Variants in ODAD2 observed in about 807,000 individuals in gnomAD.
The protein encoded by ODAD2 is outer dynein arm docking complex subunit 2.
In ODAD2, 89 loss-of-function variants were observed where a neutral mutation model predicts 106.8. That is an observed-to-expected ratio of 0.83 (90% CI 0.70 to 0.99). The LOEUF (loss-of-function observed/expected upper bound fraction) is 0.99, where lower values mean the gene tolerates loss of function less well. ODAD2 is among the 50% of genes least tolerant of loss of function. ODAD2 has a pLI of 0.00. For missense variants in ODAD2, 1,168 were observed against 1,238.5 expected (o/e 0.94, Z 0.85); for synonymous variants, 404 against 436.2 (o/e 0.93, Z 0.92).
intron 19 of ODAD2, among the ~76,000 whole-genome samples, chr10:27,827,843 G>A (rs1837191231): frequency 6.6e-6 from 1 of 152,162 alleles, no homozygotes; most frequent in Admixed American, 6.5e-5. Context: ...GGTTCACAGG[G>A]TCTTCGGCAG....
intron 2 of ODAD2, 113 bp downstream of exon 2, chr10:27,994,806 A>G (rs1202098430): frequency 2.6e-6 from 3 of 1,144,360 alleles, no homozygotes; most frequent in Non-Finnish European, 3.7e-6. Context: ...TCCCTGGTTT[A>G]GAGGGCTTCT....
At chr10:27,835,967 T>C (rs1438522131) in intron 19 of ODAD2, 2 of 149,396 alleles carry the variant, frequency 1.3e-5, no homozygotes, top group South Asian at 4.1e-4. Context: ...GAAGAGAAAA[T>C]ACATTTACTA....
At chr10:27,976,570 C>T (rs1849201964) in intron 7 of ODAD2, among the ~76,000 whole-genome samples, 1 of 152,068 alleles carries the variant, frequency 6.6e-6, no homozygotes, top group African/African-American at 2.4e-5. Flanking sequence ...TTGAAAGCTA[C>T]AAAACATTGG....
At chr10:27,929,710 C>T (rs926828171) in intron 16 of ODAD2, among the ~76,000 whole-genome samples, 3 of 152,264 alleles carry the variant, frequency 2.0e-5, no homozygotes, top group African/African-American at 7.2e-5. Flanking sequence ...GTGAAATTCT[C>T]AGGCAATATT....
At chr10:27,906,465 G>A (rs1400006225) in intron 17 of ODAD2, among the ~76,000 whole-genome samples, 1 of 152,154 alleles carries the variant, frequency 6.6e-6, no homozygotes, top group Non-Finnish European at 1.5e-5. Flanking sequence ...GTTCCTCAAG[G>A]ATCTAGAACC....
intron 17 of ODAD2, among the ~76,000 whole-genome samples, chr10:27,897,983 T>A (rs926680174): frequency 1.3e-5 from 2 of 152,036 alleles, no homozygotes; most frequent in African/African-American, 4.8e-5. Flanking sequence ...CATGTGAGAA[T>A]AATGAATATG....
intron 7 of ODAD2, among the ~76,000 whole-genome samples, chr10:27,973,212 AATACATACATACATAC>A (rs56390356): frequency 1.1e-4 from 17 of 148,350 alleles, no homozygotes; most frequent in Admixed American, 8.8e-4. Context: ...TGGTCAAAAT[AATACATACATACATAC>A]ATACATACAT....
intron 17 of ODAD2, among the ~76,000 whole-genome samples, chr10:27,885,998 A>G (rs1405230521): frequency 6.8e-6 from 1 of 146,052 alleles, no homozygotes; most frequent in African/African-American, 2.5e-5. Flanking sequence ...ATATAACAGC[A>G]GAAGAAGAAG....
At chr10:27,914,423 T>C (rs1482504605) in intron 16 of ODAD2, among the ~76,000 whole-genome samples, 1 of 152,172 alleles carries the variant, frequency 6.6e-6, no homozygotes, top group Admixed American at 6.6e-5. Context: ...CATTCATTAA[T>C]TATCCTTGCC....
chr10:27,923,986 GAA>G (rs1844992284), intron 16 of ODAD2, among the ~76,000 whole-genome samples: 10 of 129,714 alleles, frequency 7.7e-5, no homozygotes, highest in Non-Finnish European at 1.3e-4. Flanking sequence ...AAGAAAGAAA[GAA>G]AGAAAGAAAG....
chr10:27,829,193 T>C (rs1837290939), intron 19 of ODAD2, among the ~76,000 whole-genome samples: 1 of 152,194 alleles, frequency 6.6e-6, no homozygotes, highest in Non-Finnish European at 1.5e-5. Flanking sequence ...AGCAGATTAA[T>C]ATAGAAAAAA....
At chr10:27,977,562 C>A (rs568884678) in intron 7 of ODAD2, among the ~76,000 whole-genome samples, 1 of 152,026 alleles carries the variant, frequency 6.6e-6, no homozygotes, top group East Asian at 1.9e-4. Flanking sequence ...CAGAGGGAGA[C>A]TCTGTCTCAA....
At chr10:27,883,132 G>A (rs962604673) in intron 17 of ODAD2, among the ~76,000 whole-genome samples, 6 of 151,904 alleles carry the variant, frequency 3.9e-5, no homozygotes, top group South Asian at 4.2e-4. Context: ...GTTTCTCACC[G>A]CTGGCTGACC....
At chr10:27,929,012 A>C (rs1237719305) in intron 16 of ODAD2, among the ~76,000 whole-genome samples, 1 of 152,184 alleles carries the variant, frequency 6.6e-6, no homozygotes, top group African/African-American at 2.4e-5. Flanking sequence ...TCCAGAATCC[A>C]TATGTTTAGC....
At chr10:27,864,509 G>A (rs1840289185) in intron 17 of ODAD2, among the ~76,000 whole-genome samples, 1 of 148,900 alleles carries the variant, frequency 6.7e-6, no homozygotes, top group Non-Finnish European at 1.5e-5. Context: ...AGTGAGAGTG[G>A]AGAGTGAGGT....
chr10:27,896,667 T>C (rs4749276), intron 17 of ODAD2, among the ~76,000 whole-genome samples: 100,288 of 151,442 alleles, frequency 0.66, 33,500 homozygotes, highest in Middle Eastern at 0.74. Flanking sequence ...GAGCAATGTG[T>C]TTATAGGATT....
Position 27,994,966 on chromosome 10 carries a change from C to A in ODAD2, c.177G>T (p.Trp59Cys). ...ATGCTGAGGGCGCCAAACTTGTGTT[C>A]CATTCAAGTGGTTCCACAAAAACAA... The part of the protein sequence containing the change: ...AKFVFVEPLE[W>C]NTSLAPSAFE... Residue 59 changes from tryptophan to cysteine, a missense_variant, in exon 2 of 20, where the codon TGG becomes TGT. By Grantham distance (215) the Trp-to-Cys change is radical (BLOSUM62 -2). Transcript: ENST00000305242. 1 of 1,614,154 alleles carries A rather than the reference C, an allele frequency of 6.2e-7. No individual in the cohort carries two copies. The highest frequency in any genetic ancestry group is 1.7e-5 in the Admixed American group (1 of 60,020).
intron 2 of ODAD2, 62 bp downstream of exon 2, chr10:27,994,857 A>G: frequency 6.4e-7 from 1 of 1,564,096 alleles, no homozygotes; most frequent in Non-Finnish European, 8.7e-7. Context: ...CAAACCTAGA[A>G]CCAATTGATA....
chr10:27,874,378 G>A (rs937910717), intron 17 of ODAD2, among the ~76,000 whole-genome samples: 4 of 152,168 alleles, frequency 2.6e-5, no homozygotes, highest in Non-Finnish European at 5.9e-5. Context: ...ATTGTTATGT[G>A]TGATTTGATC....
Sources: gnomAD v4.1 joint callset for allele counts (sites outside exome capture counted in the v4.1 genomes callset) on GRCh38, gnomAD v4.1.1 for gene constraint, MANE v1.5 for transcripts, NCBI Gene and HGNC (gene_info 2026-07-23, HGNC 2026-07-21) for gene names.